Variants in RPS6KA3 observed in about 807,000 individuals in gnomAD.
RPS6KA3 encodes the protein ribosomal protein S6 kinase alpha-3.
A neutral mutation model predicts 67.2 loss-of-function variants in RPS6KA3; 4 were observed. The ratio of observed to expected loss-of-function variants is 0.06; its 90% CI spans 0.03 to 0.14. The LOEUF is 0.14. RPS6KA3 is among the 10% of genes least tolerant of loss of function. The pLI, the probability that RPS6KA3 is intolerant of heterozygous loss-of-function variation, is 1.00. For synonymous variants in RPS6KA3, 182 were observed against 183.7 expected (o/e 0.99, Z 0.07); for missense variants, 204 against 559.0 (o/e 0.36, Z 6.40).
intron 2 of RPS6KA3, among the ~76,000 whole-genome samples, chrX:20,213,073 T>C (rs781027296): frequency 8.9e-6 from 1 of 112,141 alleles, no homozygotes; most frequent in Non-Finnish European, 1.9e-5. Flanking sequence ...CACCTTGGCA[T>C]TCGAGGTCCT....
At chrX:20,160,015 C>T (rs2067270572) in intron 20 of RPS6KA3, among the ~76,000 whole-genome samples, 1 of 112,083 alleles carries the variant, frequency 8.9e-6, no homozygotes, top group Middle Eastern at 4.2e-3. Flanking sequence ...CTGCTATTCT[C>T]ATGCTATCAT....
intron 1 of RPS6KA3, among the ~76,000 whole-genome samples, chrX:20,251,223 C>T (rs1168489156): frequency 8.9e-6 from 1 of 112,332 alleles, no homozygotes; most frequent in African/African-American, 3.2e-5. Context: ...CCTTGACTGT[C>T]TGGGCTCAAG....
rs1054262340 is a variant in RPS6KA3 at position 20,176,858 on chromosome X, C to A, written c.934+138G>T. 6.0e-6 allele frequency: 3 copies of A among 503,224 alleles called. No homozygotes were observed. The African/African-American group carries it at 7.1e-5, about 12-fold the overall frequency. 41.5% of individuals were successfully genotyped at this position (503,224 alleles called of 1,213,427 possible). On this transcript the variant is annotated intron_variant, in intron 11 of 21. Transcript: ENST00000379565. ...TCTCCCGCCTTGGTCTCCCAAAGTGCTGGGATTACAGGCGTGAGCCACCAG... is the reference window on the plus strand; with the variant it reads ...TCTCCCGCCTTGGTCTCCCAAAGTGATGGGATTACAGGCGTGAGCCACCAG...
intron 4 of RPS6KA3, among the ~76,000 whole-genome samples, chrX:20,198,474 T>C (rs1422085627): frequency 3.6e-5 from 4 of 111,663 alleles, no homozygotes; most frequent in African/African-American, 1.3e-4. Context: ...ACAGAGACAA[T>C]GTGAGGAACA....
At chrX:20,222,864 G>A (rs1290715141) in intron 2 of RPS6KA3, among the ~76,000 whole-genome samples, 2 of 111,376 alleles carry the variant, frequency 1.8e-5, no homozygotes, top group Admixed American at 9.5e-5. Flanking sequence ...ACTTCCCATC[G>A]TCTACAGAGC....
chrX:20,249,897 C>G (rs1354623085), intron 1 of RPS6KA3, among the ~76,000 whole-genome samples: 1 of 112,274 alleles, frequency 8.9e-6, no homozygotes, highest in Non-Finnish European at 1.9e-5. Flanking sequence ...GTTTTACATT[C>G]AAATCCATGA....
In RPS6KA3 at chrX:20,150,500, A is replaced by G. The variant is rs1479736781; in HGVS notation, c.*4898T>C. The G allele has an allele frequency of 8.9e-6, 1 of 112,741 alleles. No homozygotes were observed. Among genetic ancestry groups the G allele is most frequent in the Non-Finnish European group, 1.9e-5 (1 of 53,197 alleles). The allele number at this position is 112,741 out of a possible 1,213,427, so 9.3% of individuals were successfully genotyped here. A position where few individuals can be genotyped will look rare whatever the true frequency, so the allele number is the denominator to read the frequency against. On this transcript the variant is annotated 3_prime_UTR_variant, in exon 22 of 22. Transcript: ENST00000379565. ...AATAAGGATGCTAAGGAATGGCAAT[A>G]CCTTGAAGCTTTTTTTAAAATTAAA...
chrX:20,172,963 G>A, intron 14 of RPS6KA3, 92 bp from the exon 15 acceptor site: 1 of 720,425 alleles, frequency 1.4e-6, no homozygotes, highest in Non-Finnish European at 2.2e-6. Context: ...CATTGTTGAT[G>A]CCCTACATAT....
chrX:20,233,171 T>C lies in RPS6KA3; in HGVS notation c.126+1587A>G, dbSNP rs768854193. 1.4e-4 allele frequency among the ~76,000 whole-genome samples: 16 copies of C among 111,678 alleles called. No homozygotes were observed. In the South Asian group the frequency reaches 5.6e-3, roughly 39 times the overall value. The stretch of plus-strand genomic sequence containing the variant: ...AAAAGAAAAAGACAAAAAGGGAAAG[T>C]ATTATTTATCTAGAGTCACTCAAAT... On this transcript the variant is annotated intron_variant, in intron 2 of 21. Coordinates refer to ENST00000379565, the MANE Select transcript of RPS6KA3 (RefSeq NM_004586.3).
At chrX:20,210,094 G>T (rs2068675155) in intron 2 of RPS6KA3, among the ~76,000 whole-genome samples, 1 of 112,242 alleles carries the variant, frequency 8.9e-6, no homozygotes, top group South Asian at 3.7e-4. Context: ...ATGGAACAGT[G>T]AGAAGTATCT....
At chrX:20,189,469 C>A (rs1429729059) in intron 7 of RPS6KA3, among the ~76,000 whole-genome samples, 1 of 112,057 alleles carries the variant, frequency 8.9e-6, no homozygotes. Flanking sequence ...ATTTAGTGAG[C>A]TCACTGGGTC....
intron 1 of RPS6KA3, among the ~76,000 whole-genome samples, chrX:20,253,103 C>T (rs1178894559): frequency 9.1e-6 from 1 of 109,900 alleles, no homozygotes; most frequent in Non-Finnish European, 1.9e-5. Flanking sequence ...CCTGGTCTGC[C>T]AAAACCACCC....
rs1301695416 is a variant in RPS6KA3 at position 20,195,292 on chromosome X, A to G, written c.326-147T>C. The G allele has an allele frequency of 3.5e-5, 15 of 428,778 alleles. No individual in the cohort carries two copies. The East Asian group carries it at 4.7e-4, about 14-fold the overall frequency. The allele number at this position is 428,778 out of a possible 1,213,427, so 35.3% of individuals were successfully genotyped here. ...TATCATTCTTGAATTTACAAAATCA[A>G]TAATGATGTCTTTTACTACATTACA... is the stretch of plus-strand genomic sequence containing the variant. On this transcript the variant is annotated intron_variant, in intron 4 of 21. Coordinates refer to ENST00000379565, the MANE Select transcript of RPS6KA3 (RefSeq NM_004586.3).
At chrX:20,184,552 C>T (rs183091152) in intron 10 of RPS6KA3, among the ~76,000 whole-genome samples, 222 of 108,531 alleles carry the variant, frequency 2.0e-3, no homozygotes, top group African/African-American at 6.5e-3. Flanking sequence ...ACTACTGGCA[C>T]GTGCCACCAC....
chrX:20,184,023 T>C (rs2067909951), intron 10 of RPS6KA3, among the ~76,000 whole-genome samples: 1 of 112,511 alleles, frequency 8.9e-6, no homozygotes, highest in South Asian at 3.6e-4. Flanking sequence ...TTAAATAAAA[T>C]ATTACAATTA....
intron 2 of RPS6KA3, among the ~76,000 whole-genome samples, chrX:20,215,130 T>C (rs2068818370): frequency 8.9e-6 from 1 of 111,800 alleles, no homozygotes; most frequent in Non-Finnish European, 1.9e-5. Flanking sequence ...TAAGAGACTT[T>C]CTTGACTTTA....
intron 1 of RPS6KA3, among the ~76,000 whole-genome samples, chrX:20,261,701 A>C (rs973131320): frequency 8.9e-6 from 1 of 112,435 alleles, no homozygotes; most frequent in African/African-American, 3.2e-5. Flanking sequence ...GTTTTGCTAA[A>C]TCATGACAAA....
intron 3 of RPS6KA3, among the ~76,000 whole-genome samples, chrX:20,208,788 G>A (rs374760797): frequency 2.7e-5 from 3 of 111,683 alleles, no homozygotes; most frequent in Non-Finnish European, 1.9e-5. Flanking sequence ...CGATGTTACT[G>A]GATAAAATGC....
rs1275443934 is a variant in RPS6KA3, at chrX:20,266,889, C to T, written c.-257G>A. 14 of 533,507 alleles carry T rather than the reference C, an allele frequency of 2.6e-5. No homozygotes were observed. Among genetic ancestry groups the T allele is most frequent in the Non-Finnish European group, 3.0e-5 (13 of 438,209 alleles). The allele number at this position is 533,507 out of a possible 1,213,427, so 44.0% of individuals were successfully genotyped here. ...GCGAGAGCCTCGCGCCTCCGCTGGG[C>T]ACCGGGTCTCGCCCCTTTCTTCCTC... On this transcript the variant is annotated 5_prime_UTR_variant, in exon 1 of 22. Transcript: ENST00000379565.
Sources: gnomAD v4.1 joint callset for allele counts (sites outside exome capture counted in the v4.1 genomes callset) on GRCh38, gnomAD v4.1.1 for gene constraint, MANE v1.5 for transcripts, NCBI Gene and HGNC (gene_info 2026-07-23, HGNC 2026-07-21) for gene names.